ZNF334: variants seen among roughly 807,000 people sequenced by gnomAD.
ZNF334 encodes the protein zinc finger protein 334.
A neutral mutation model predicts 12.4 loss-of-function variants in ZNF334; 14 were observed. The ratio of observed to expected loss-of-function variants is 1.13; its 90% confidence interval spans 0.74 to 1.76. The LOEUF (loss-of-function observed/expected upper bound fraction) is 1.76. Among genes scored for constraint, ZNF334 ranks in the 40% most tolerant of loss-of-function variants. ZNF334 has a pLI of 0.00. For missense variants in ZNF334, 797 were observed against 804.5 expected, an observed-to-expected ratio of 0.99 and a Z score of 0.11; for synonymous variants, 273 against 269.6, an observed-to-expected ratio of 1.01 and a Z score of -0.12.
intron 2 of ZNF334, among the ~76,000 whole-genome samples, chr20:46,510,901 T>C (rs1009511684): frequency 1.3e-5 from 2 of 151,978 alleles, no homozygotes; most frequent in African/African-American, 4.8e-5. Flanking sequence ...GAGGACTCCA[T>C]GTGCCTTCTG....
At chr20:46,480,618 T>C in the ZNF334 span, among the ~76,000 whole-genome samples, 1 of 152,126 alleles carries the variant, frequency 6.6e-6, no homozygotes, top group East Asian at 1.9e-4. Flanking sequence ...GATGTGACAA[T>C]CCTGCATTCC....
At chr20:46,479,873 G>T in the ZNF334 span, among the ~76,000 whole-genome samples, 4 of 152,120 alleles carry the variant, frequency 2.6e-5, no homozygotes, top group African/African-American at 9.7e-5. Flanking sequence ...CTTAACCAAA[G>T]CATTTCTTTC....
chr20:46,479,708 G>A, the ZNF334 span, among the ~76,000 whole-genome samples: 1 of 152,164 alleles, frequency 6.6e-6, no homozygotes, highest in African/African-American at 2.4e-5. Context: ...ATGCAGCCCA[G>A]TCTTTCTGGG....
chr20:46,503,580 G>GTAAATC (rs1601030557), intron 4 of ZNF334, among the ~76,000 whole-genome samples: 2 of 152,248 alleles, frequency 1.3e-5, no homozygotes, highest in East Asian at 3.9e-4. Context: ...GAAGGAAGAG[G>GTAAATC]TAAATCTGAA....
the ZNF334 span, chr20:46,464,121 T>C: frequency 3.5e-6 from 2 of 571,576 alleles, no homozygotes; most frequent in Non-Finnish European, 6.9e-6. Context: ...TGTTTGCCTG[T>C]CTCTGTGTAT....
the ZNF334 span, among the ~76,000 whole-genome samples, chr20:46,488,897 T>A: frequency 6.6e-6 from 1 of 151,976 alleles, no homozygotes; most frequent in African/African-American, 2.4e-5. Flanking sequence ...CATCTTTGTC[T>A]CTGTGCCATG....
At chr20:46,503,340 A>C (rs1473141005) in intron 4 of ZNF334, among the ~76,000 whole-genome samples, 2 of 152,256 alleles carry the variant, frequency 1.3e-5, no homozygotes, top group African/African-American at 4.8e-5. Flanking sequence ...GGAAGAGGAA[A>C]CTAGCAAAGA....
chr20:46,466,843 G>T, the ZNF334 span, among the ~76,000 whole-genome samples: 2 of 152,184 alleles, frequency 1.3e-5, no homozygotes, highest in Admixed American at 1.3e-4. Context: ...AGATTATAAA[G>T]AAAAATGATA....
chr20:46,509,441 C>T (rs975817347), intron 2 of ZNF334, among the ~76,000 whole-genome samples: 1 of 152,116 alleles, frequency 6.6e-6, no homozygotes, highest in Non-Finnish European at 1.5e-5. Flanking sequence ...AGCATGCTGC[C>T]CACCAACTCA....
the ZNF334 span, among the ~76,000 whole-genome samples, chr20:46,462,510 A>C: frequency 2.6e-5 from 4 of 152,244 alleles, no homozygotes; most frequent in Non-Finnish European, 2.9e-5. Flanking sequence ...AAACAAACAC[A>C]AAAAACTCAA....
the ZNF334 span, chr20:46,491,827 A>G: frequency 6.5e-6 from 1 of 153,440 alleles, no homozygotes; most frequent in East Asian, 1.9e-4. Flanking sequence ...GGCCCTTTGC[A>G]TGTAATGAAT....
At chr20:46,488,419 T>TTTTTTATATATATATA in the ZNF334 span, among the ~76,000 whole-genome samples, 3 of 102,236 alleles carry the variant, frequency 2.9e-5, no homozygotes, top group African/African-American at 1.3e-4. Context: ...AGCTCTTATT[T>TTTTTTATATATATATA]TATATATATA....
At chr20:46,498,029 C>T (rs2061053488), downstream of ZNF334, among the ~76,000 whole-genome samples, 1 of 152,232 alleles carries the variant, frequency 6.6e-6, no homozygotes, top group Non-Finnish European at 1.5e-5. Context: ...AAAGAAGCCT[C>T]CTTTGACTAC....
rs1450044943 is a variant in ZNF334 at position 46,501,180 on chromosome 20, A to AATT, written c.*113_*115dup. ...ATTGAGGGTTGACTTATGGCAGAAA[A>AATT]ATTTTCCATATTCATTACATTTATA... On this transcript the variant is annotated 3_prime_UTR_variant, in exon 5 of 5. Coordinates refer to ENST00000692313, the MANE Select transcript of ZNF334 (RefSeq NM_001353824.2). 7.2e-7 allele frequency: 1 copy of AATT among 1,379,874 alleles called. No individual in the cohort carries two copies. 85.5% of individuals were successfully genotyped at this position (1,379,874 alleles called of 1,614,324 possible). A position where few individuals can be genotyped will look rare whatever the true frequency, so the allele number is the denominator to read the frequency against.
At chr20:46,480,783 C>T in the ZNF334 span, among the ~76,000 whole-genome samples, 1 of 152,086 alleles carries the variant, frequency 6.6e-6, no homozygotes, top group Non-Finnish European at 1.5e-5. Flanking sequence ...CTAGCTGTAT[C>T]GGAGTTGATC....
the ZNF334 span, among the ~76,000 whole-genome samples, chr20:46,486,207 A>G: frequency 6.6e-6 from 1 of 152,178 alleles, no homozygotes; most frequent in Non-Finnish European, 1.5e-5. Context: ...CTTCATTTAT[A>G]ATTCATTATG....
Position 46,502,084 on chromosome 20 carries a change from C to T in ZNF334, c.1255G>A (p.Ala419Thr), listed in dbSNP as rs774327243. ...TGACTTCTTCGATGCACATTGAGGG[C>T]AGATTGACAAAAGAAGGTTTTCTCA... ...ECEKTFFCQS[A>T]LNVHRRSHTG... is the part of the protein sequence containing the mutation. Residue 419 changes from alanine (A) to threonine (T), a missense_variant, in exon 5 of 5, where the codon GCC (alanine) becomes ACC (threonine). By Grantham distance (58) the Ala-to-Thr change is moderately conservative (BLOSUM62 0). Coordinates refer to ENST00000692313, the MANE Select transcript of ZNF334 (RefSeq NM_001353824.2). 1.9e-6 allele frequency: 3 copies of T among 1,614,168 alleles called. No homozygotes were observed. The highest frequency in any genetic ancestry group is 2.2e-5 in the East Asian group (1 of 44,868).
chr20:46,464,301 T>C, the ZNF334 span: 1 of 553,502 alleles, frequency 1.8e-6, no homozygotes, highest in Non-Finnish European at 3.6e-6. Flanking sequence ...TCACTGGGAA[T>C]GACAAAGTTA....
Position 46,500,134 on chromosome 20 carries a change from G to A in ZNF334, c.*1162C>T, listed in dbSNP as rs2061104961. 3 of 152,156 alleles carry A rather than the reference G, an allele frequency of 2.0e-5. No individual in the cohort carries two copies. Among genetic ancestry groups the A allele is most frequent in the African/African-American group, 7.2e-5 (3 of 41,422 alleles). The allele number at this position is 152,156 out of a possible 1,614,324, so 9.4% of individuals were successfully genotyped here. ...TTGCAGGTCAGCCCACAATGAAGAGGGAGTTCAGCTGAGCAAACCCAGTTA... is the reference window on the plus strand; with the variant it reads ...TTGCAGGTCAGCCCACAATGAAGAGAGAGTTCAGCTGAGCAAACCCAGTTA... On this transcript the variant is annotated 3_prime_UTR_variant, in exon 5 of 5. Coordinates refer to ENST00000692313, the MANE Select transcript of ZNF334 (RefSeq NM_001353824.2).
Sources: allele counts gnomAD v4.1 joint callset (sites outside exome capture counted in the v4.1 genomes callset), GRCh38; gene constraint gnomAD v4.1.1; transcripts MANE v1.5; gene names NCBI Gene and HGNC (gene_info 2026-07-23, HGNC 2026-07-21).